The following ARFGEF1 variants were observed in gnomAD, a reference collection of about 807,000 sequenced individuals.
The protein encoded by ARFGEF1 is ARF guanine nucleotide exchange factor 1.
In ARFGEF1, 42 loss-of-function variants were observed where a neutral mutation model predicts 231.0. The ratio of observed to expected loss-of-function variants is 0.18; its 90% CI spans 0.14 to 0.24. The LOEUF (loss-of-function observed/expected upper bound fraction) is 0.24. Among genes scored for constraint, ARFGEF1 ranks in the 10% least tolerant of loss-of-function variants. ARFGEF1 has a pLI of 1.00. For synonymous variants in ARFGEF1, 710 were observed against 732.3 expected, an observed-to-expected ratio of 0.97 and a Z score of 0.49; for missense variants, 1,345 against 2,192.0, an observed-to-expected ratio of 0.61 and a Z score of 7.72.
At position 67,200,607 on chromosome 8, in the gene ARFGEF1, T is replaced by A. The variant is rs934006969; in HGVS notation, c.5268-94A>T. 1.7e-4 allele frequency: 125 copies of A among 753,416 alleles called. 1 individual carries two copies. In the South Asian group the frequency reaches 2.0e-3, roughly 12 times the overall value. The allele number at this position is 753,416 out of a possible 1,614,324, so 46.7% of individuals were successfully genotyped here. A position where few individuals can be genotyped will look rare whatever the true frequency, so the allele number is the denominator to read the frequency against. ...GCAATCATGAACATAGTAGTGAATA[T>A]GAACTATTCAAGAACATGTTAGATC... On this transcript the variant is annotated intron_variant, in intron 37 of 38. Transcript: ENST00000262215.
intron 19 of ARFGEF1, among the ~76,000 whole-genome samples, chr8:67,249,968 G>T (rs1433677344): frequency 2.0e-5 from 3 of 152,206 alleles, no homozygotes; most frequent in African/African-American, 7.2e-5. Context: ...AAGAAGGAAA[G>T]AACATTCTAG....
intron 6 of ARFGEF1, 39 bp downstream of exon 6, chr8:67,291,808 C>A (rs1283995351): frequency 1.9e-6 from 3 of 1,596,840 alleles, no homozygotes; most frequent in Non-Finnish European, 2.6e-6. Context: ...ACACATTTCC[C>A]TTAACACACA....
chr8:67,311,360 T>A (rs1271347697), intron 1 of ARFGEF1, among the ~76,000 whole-genome samples: 1 of 100,274 alleles, frequency 1.0e-5, no homozygotes. Context: ...CGGCCGCCCC[T>A]ACTGGGAAGT....
At position 67,311,498 on chromosome 8, in the gene ARFGEF1, G is replaced by A. The variant is rs1375815711; in HGVS notation, c.125-9032C>T. Among the ~76,000 whole-genome samples the A allele has an allele frequency of 5.1e-5, 7 of 136,318 alleles. No homozygotes were observed. The East Asian group carries it at 7.2e-4, about 14-fold the overall frequency. 89.4% of individuals were successfully genotyped at this position (136,318 alleles called of 152,430 possible). Reference sequence around the variant, plus strand: ...AGCCACCCGCCTGGCCAGCCGCCCCGTCCGGGAGGGAGGTGGGGGGGGGTC... The same window carrying A: ...AGCCACCCGCCTGGCCAGCCGCCCCATCCGGGAGGGAGGTGGGGGGGGGTC... On this transcript the variant is annotated intron_variant, in intron 1 of 38. Coordinates refer to ENST00000262215, the MANE Select transcript of ARFGEF1 (RefSeq NM_006421.5).
intron 33 of ARFGEF1, 28 bp downstream of exon 33, chr8:67,216,562 T>A: frequency 1.3e-6 from 2 of 1,568,538 alleles, no homozygotes; most frequent in East Asian, 2.3e-5. Flanking sequence ...ATAACTAATT[T>A]CAATATACTT....
chr8:67,277,449 C>G lies in ARFGEF1; in HGVS notation c.1036G>C (p.Glu346Gln). ...GCACTTGCATTTATAGTAGTCCCTT[C>G]TCCCATATCTAAAATGATAAGAATA... ...MVNIVVGDMGEGTTINASADG... is the reference protein window; with the variant it reads ...MVNIVVGDMGQGTTINASADG... Residue 346 changes from glutamate to glutamine, a missense_variant, in exon 8 of 39, where the codon GAA becomes CAA. Transcript: ENST00000262215. The G allele has an allele frequency of 6.2e-7, 1 of 1,611,838 alleles. No individual in the cohort carries two copies. Among genetic ancestry groups the G allele is most frequent in the Non-Finnish European group, 8.5e-7 (1 of 1,178,670 alleles).
intron 6 of ARFGEF1, among the ~76,000 whole-genome samples, chr8:67,289,012 TAG>T: frequency 6.6e-6 from 1 of 151,998 alleles, no homozygotes; most frequent in Non-Finnish European, 1.5e-5. Context: ...AACTTCTGAA[TAG>T]CCTAAGAGAA....
At chr8:67,330,589 T>G (rs1033588931) in intron 1 of ARFGEF1, among the ~76,000 whole-genome samples, 8 of 152,166 alleles carry the variant, frequency 5.3e-5, no homozygotes, top group Admixed American at 5.2e-4. Flanking sequence ...CTATAAAAAA[T>G]TTTTTCTCTA....
chr8:67,253,289 T>C (rs1402253970), intron 18 of ARFGEF1, among the ~76,000 whole-genome samples, 162 bp downstream of exon 18: 2 of 152,158 alleles, frequency 1.3e-5, no homozygotes, highest in African/African-American at 2.4e-5. Flanking sequence ...TTGCATATGC[T>C]GGTCTCGAAC....
chr8:67,247,519 A>G (rs576890232), intron 19 of ARFGEF1, among the ~76,000 whole-genome samples: 8 of 150,300 alleles, frequency 5.3e-5, no homozygotes, highest in Non-Finnish European at 1.2e-4. Flanking sequence ...TTGAAAAAGC[A>G]TTTGATAAAA....
intron 1 of ARFGEF1, among the ~76,000 whole-genome samples, chr8:67,313,629 A>G (rs1807173339): frequency 6.6e-6 from 1 of 152,166 alleles, no homozygotes; most frequent in African/African-American, 2.4e-5. Flanking sequence ...AAGTTCTGTG[A>G]TCAGCCATGG....
At chr8:67,295,671 T>C (rs1377395958) in intron 5 of ARFGEF1, among the ~76,000 whole-genome samples, 4 of 152,042 alleles carry the variant, frequency 2.6e-5, no homozygotes, top group Admixed American at 2.0e-4. Context: ...CTGAACACAA[T>C]GTGGGATCCT....
chr8:67,244,242 CAAAAAAAAAAA>C (rs34333039), intron 19 of ARFGEF1, among the ~76,000 whole-genome samples: 1 of 20,096 alleles, frequency 5.0e-5, no homozygotes, highest in African/African-American at 1.5e-4. Context: ...GACTCCACCT[CAAAAAAAAAAA>C]AAAAAAAAAA....
At chr8:67,245,839 T>C (rs1038837151) in intron 19 of ARFGEF1, among the ~76,000 whole-genome samples, 1 of 150,514 alleles carries the variant, frequency 6.6e-6, no homozygotes, top group East Asian at 1.9e-4. Flanking sequence ...CAATGATCTG[T>C]TGTGTACATG....
chr8:67,195,665 C>G, downstream of ARFGEF1: 2 of 1,357,156 alleles, frequency 1.5e-6, no homozygotes, highest in South Asian at 1.2e-5. Context: ...TTTAATATGT[C>G]CTACTTTTGG....
intron 1 of ARFGEF1, among the ~76,000 whole-genome samples, chr8:67,333,288 C>T (rs917971982): frequency 1.3e-5 from 2 of 151,508 alleles, no homozygotes; most frequent in East Asian, 2.0e-4. Flanking sequence ...CTACCTCGGC[C>T]TCCCAAAGTG....
At position 67,198,089 on chromosome 8, in the gene ARFGEF1, C is replaced by T. The variant is rs1175502274; in HGVS notation, c.*845G>A. On this transcript the variant is annotated 3_prime_UTR_variant, in exon 39 of 39. Transcript: ENST00000262215. ...AAAGGATCATTCTATTTTAATGGCTCATCTTTAAAAGTCCTAAGAGAAATA... is the reference window on the plus strand; with the variant it reads ...AAAGGATCATTCTATTTTAATGGCTTATCTTTAAAAGTCCTAAGAGAAATA... The T allele has an allele frequency of 5.1e-6, 5 of 985,720 alleles. No homozygotes were observed. Among genetic ancestry groups the T allele is most frequent in the Non-Finnish European group, 6.0e-6 (5 of 829,880 alleles). The allele number at this position is 985,720 out of a possible 1,614,324, so 61.1% of individuals were successfully genotyped here. A position where few individuals can be genotyped will look rare whatever the true frequency, so the allele number is the denominator to read the frequency against.
intron 15 of ARFGEF1, among the ~76,000 whole-genome samples, chr8:67,259,291 A>G (rs534433486): frequency 6.6e-6 from 1 of 152,270 alleles, no homozygotes; most frequent in East Asian, 1.9e-4. Context: ...CAGTGGTGCA[A>G]TCTTGGCTCA....
intron 38 of ARFGEF1, 81 bp from the exon 39 acceptor site, chr8:67,199,179 G>GGC: frequency 6.6e-7 from 1 of 1,516,206 alleles, no homozygotes; most frequent in Non-Finnish European, 8.8e-7. Context: ...ACTACTCTGG[G>GGC]GCTCCATCAC....
Sources: gnomAD v4.1 joint callset for allele counts (sites outside exome capture counted in the v4.1 genomes callset) on GRCh38, gnomAD v4.1.1 for gene constraint, MANE v1.5 for transcripts, NCBI Gene and HGNC (gene_info 2026-07-23, HGNC 2026-07-21) for gene names.